The following ZNF446 variants were observed in gnomAD, a reference collection of about 807,000 sequenced individuals.
The protein encoded by ZNF446 is zinc finger protein 446, also known as zinc finger protein with KRAB and SCAN domains 20.
A neutral mutation model predicts 34.0 loss-of-function variants in ZNF446; 42 were observed. The ratio of observed to expected loss-of-function variants is 1.23; its 90% CI spans 0.96 to 1.60. The LOEUF (loss-of-function observed/expected upper bound fraction) is 1.60, where lower values mean the gene tolerates loss of function less well. Ranked by LOEUF, ZNF446 falls within the 40% of genes most tolerant of loss-of-function variation. The pLI is 0.00. For synonymous variants in ZNF446, 315 were observed against 251.0 expected, an observed-to-expected ratio of 1.25 and a Z score of -2.41; for missense variants, 650 against 600.2, an observed-to-expected ratio of 1.08 and a Z score of -0.87.
chr19:58,479,600 G>A (rs1241837081), intron 4 of ZNF446, 43 bp from the exon 5 acceptor site: 2 of 1,601,910 alleles, frequency 1.2e-6, no homozygotes, highest in South Asian at 1.1e-5. Flanking sequence ...ACAGGGCAGG[G>A]AAGGGGTGGA....
rs929429692 is a variant in ZNF446, at chr19:58,480,750, G to A, written c.*24G>A. 11 of 1,585,492 alleles carry A rather than the reference G, an allele frequency of 6.9e-6. No homozygotes were observed. The highest frequency in any genetic ancestry group is 6.7e-5 in the East Asian group (3 of 44,526). On this transcript the variant is annotated 3_prime_UTR_variant, in exon 7 of 7. Coordinates refer to ENST00000594369, the MANE Select transcript of ZNF446 (RefSeq NM_017908.4). This position sits in a 1 kb window ranked among gnomAD's most constrained non-coding sequence, Gnocchi z 7.2. The stretch of plus-strand genomic sequence containing the variant: ...GAGCAGCCAGACAGCACAGTCCCTC[G>A]GGGCCTCGGTGTTCTCGGGGCCTGG...
In ZNF446 at chr19:58,477,294, C is replaced by T. The variant is rs530358065; in HGVS notation, c.76C>T (p.Arg26Cys). 22 of 1,612,700 alleles carry T rather than the reference C, an allele frequency of 1.4e-5. No individual in the cohort carries two copies. The highest frequency in any genetic ancestry group is 3.3e-5 in the Admixed American group (2 of 60,008). The stretch of plus-strand genomic sequence containing the variant: ...CACCCTTGAGGAGCCTGAGACTGCC[C>T]GCCTCCGCTTCCGAGGGTTCTGCTA... Reference protein sequence around the residue: ...ETTLEEPETARLRFRGFCYQE... With the variant: ...ETTLEEPETACLRFRGFCYQE... Residue 26 changes from arginine to cysteine, a missense_variant, in exon 2 of 7, where the codon CGC (arginine) becomes TGC (cysteine). Physicochemically the swap from Arg to Cys is radical, Grantham distance 180 (BLOSUM62 -3). Coordinates refer to ENST00000594369, the MANE Select transcript of ZNF446 (RefSeq NM_017908.4).
chr19:58,486,490 C>G, the ZNF446 span, among the ~76,000 whole-genome samples: 1 of 152,206 alleles, frequency 6.6e-6, no homozygotes, highest in Non-Finnish European at 1.5e-5. Flanking sequence ...TCACTGCAAC[C>G]TCCGCCTCCT....
At position 58,481,046 on chromosome 19, in the gene ZNF446, C is replaced by T; in HGVS notation, c.*320C>T. The T allele has an allele frequency of 2.8e-6, 1 of 352,190 alleles. No individual in the cohort carries two copies. Among genetic ancestry groups the T allele is most frequent in the South Asian group, 4.7e-5 (1 of 21,454 alleles). 21.8% of individuals were successfully genotyped at this position (352,190 alleles called of 1,614,324 possible). A position where few individuals can be genotyped will look rare whatever the true frequency, so the allele number is the denominator to read the frequency against. On this transcript the variant is annotated 3_prime_UTR_variant, in exon 7 of 7. Transcript: ENST00000594369. ...ATGGCCTGGGCTGACAACACTCCCT[C>T]TCCTGGGACCTCCTTGCCTCAGGTG...
In ZNF446 at chr19:58,477,521, CGAAG is replaced by C; in HGVS notation, c.306_309del (p.Glu102AspfsTer18). 1 of 1,612,570 alleles carries C rather than the reference CGAAG, an allele frequency of 6.2e-7. No individual in the cohort carries two copies. Among genetic ancestry groups the C allele is most frequent in the Non-Finnish European group, 8.5e-7 (1 of 1,179,276 alleles). ...GTCCTGAGGAGGCCGCTGCCCTAGT[CGAAG>C]GACTGCAGCATGACCCTGGGCAACT... On this transcript the variant is annotated frameshift_variant, in exon 2 of 7. Transcript: ENST00000594369. LOFTEE classifies it high-confidence loss of function.
At chr19:58,479,900 C>T in intron 5 of ZNF446, 30 bp from the exon 6 acceptor site, 4 of 1,537,816 alleles carry the variant, frequency 2.6e-6, no homozygotes, top group Non-Finnish European at 3.5e-6. Flanking sequence ...ATGCAAACCC[C>T]ATGCCTAACT....
At chr19:58,482,955 T>G (rs964231611), downstream of ZNF446, among the ~76,000 whole-genome samples, 9 of 152,194 alleles carry the variant, frequency 5.9e-5, no homozygotes, top group African/African-American at 1.9e-4. Flanking sequence ...TTTTTCACAT[T>G]TAGAAGCAAT....
rs2053127859 is a variant in ZNF446 at position 58,480,351 on chromosome 19, C to T, written c.978C>T (p.Ala326=). Residue 326 remains alanine (A), a synonymous_variant, in exon 7 of 7, where the codon GCC becomes GCT. Coordinates refer to ENST00000594369, the MANE Select transcript of ZNF446 (RefSeq NM_017908.4). The surrounding 1 kb of genome is among the most constrained non-coding windows in gnomAD (Gnocchi z 7.2). ...CAGAGACGAGACTGGAGCCGGCTGCCACCCCCAGGAAGCCCTACACGTGCG... is the reference window on the plus strand; with the variant it reads ...CAGAGACGAGACTGGAGCCGGCTGCTACCCCCAGGAAGCCCTACACGTGCG... ...TPAETRLEPA[A]TPRKPYTCEQ... The T allele has an allele frequency of 6.2e-7, 1 of 1,601,570 alleles. No individual in the cohort carries two copies. The highest frequency in any genetic ancestry group is 1.3e-5 in the African/African-American group (1 of 74,936).
chr19:58,477,926 C>G (rs1479957956), intron 3 of ZNF446, 100 bp downstream of exon 3: 1 of 1,358,028 alleles, frequency 7.4e-7, no homozygotes, highest in Non-Finnish European at 9.9e-7. Context: ...AAGGCTGGGA[C>G]TCCTGAAGTG....
chr19:58,477,896 A>G, intron 3 of ZNF446, 70 bp downstream of exon 3: 1 of 1,435,000 alleles, frequency 7.0e-7, no homozygotes, highest in South Asian at 1.4e-5. Flanking sequence ...CTAGGGTGGG[A>G]GTCCCAGGAG....
At chr19:58,485,377 G>C (rs1454620771), downstream of ZNF446, among the ~76,000 whole-genome samples, 2 of 151,854 alleles carry the variant, frequency 1.3e-5, no homozygotes, top group Non-Finnish European at 2.9e-5. Flanking sequence ...GGGTATAGTG[G>C]CACACGCCTG....
Position 58,479,631 on chromosome 19 carries a change from C to T in ZNF446, c.628-12C>T, listed in dbSNP as rs1276230995. 24 of 1,612,812 alleles carry T rather than the reference C, an allele frequency of 1.5e-5. No homozygotes were observed. The highest frequency in any genetic ancestry group is 1.9e-5 in the Non-Finnish European group (22 of 1,179,582). ...GTGGAAAGACGCCTACAGTGATGGG[C>T]CACATCCGCAGGAGGAGTGGGGGCT... On this transcript the variant is annotated splice_polypyrimidine_tract_variant and intron_variant, in intron 4 of 6. Transcript: ENST00000594369.
the ZNF446 span, among the ~76,000 whole-genome samples, chr19:58,488,390 C>T: frequency 2.6e-5 from 4 of 152,274 alleles, no homozygotes; most frequent in Admixed American, 6.5e-5. Context: ...GCTTCACCTG[C>T]CTTGCTCGTG....
Position 58,480,742 on chromosome 19 carries a change from A to G in ZNF446, c.*16A>G, listed in dbSNP as rs765210220. ...GGTTCCATGAGCAGCCAGACAGCAC[A>G]GTCCCTCGGGGCCTCGGTGTTCTCG... On this transcript the variant is annotated 3_prime_UTR_variant, in exon 7 of 7. Transcript: ENST00000594369. This position sits in a 1 kb window ranked among gnomAD's most constrained non-coding sequence, Gnocchi z 7.2. The G allele has an allele frequency of 1.9e-6, 3 of 1,593,846 alleles. No homozygotes were observed. The highest frequency in any genetic ancestry group is 1.3e-5 in the African/African-American group (1 of 74,860).
At position 58,477,704 on chromosome 19, in the gene ZNF446, G is replaced by GC. The variant is rs776149083; in HGVS notation, c.415dup (p.His139ProfsTer52). The GC allele has an allele frequency of 3.7e-6, 6 of 1,613,910 alleles. No homozygotes were observed. Among genetic ancestry groups the GC allele is most frequent in the Non-Finnish European group, 3.4e-6 (4 of 1,180,020 alleles). ...CAGAAGACAGAGGAACCACTTGGGA[G>GC]CCCCCACCCCTCAGGGACAGTGGAG... On this transcript the variant is annotated frameshift_variant, in exon 3 of 7. Transcript: ENST00000594369. LOFTEE classifies it high-confidence loss of function.
downstream of ZNF446, chr19:58,483,900 C>A (rs2053155741): frequency 6.6e-6 from 1 of 152,176 alleles, no homozygotes; most frequent in Non-Finnish European, 1.5e-5. Flanking sequence ...CTGGCACCAT[C>A]ATTTCTACCA....
rs1286647013 is a variant in ZNF446 at position 58,480,656 on chromosome 19, G to A, written c.1283G>A (p.Cys428Tyr). 1 of 1,611,880 alleles carries A rather than the reference G, an allele frequency of 6.2e-7. No homozygotes were observed. Among genetic ancestry groups the A allele is most frequent in the Non-Finnish European group, 8.5e-7 (1 of 1,179,854 alleles). Reference sequence around the variant, plus strand: ...CAGCGGCGTCACTTCTGCAGTGACTGTGGCCGCGCCTTCGACTGGAAGTCG... The same window carrying A: ...CAGCGGCGTCACTTCTGCAGTGACTATGGCCGCGCCTTCGACTGGAAGTCG... ...TGQRRHFCSDCGRAFDWKSQL... is the reference protein window; with the variant it reads ...TGQRRHFCSDYGRAFDWKSQL... Residue 428 changes from cysteine (C) to tyrosine (Y), a missense_variant, in exon 7 of 7, where the codon TGT becomes TAT. Cys to Tyr is a radical substitution (Grantham distance 194, BLOSUM62 -2). Coordinates refer to ENST00000594369, the MANE Select transcript of ZNF446 (RefSeq NM_017908.4). This position sits in a 1 kb window ranked among gnomAD's most constrained non-coding sequence, Gnocchi z 7.2.
At chr19:58,476,898 C>T (rs143768407) in intron 1 of ZNF446, among the ~76,000 whole-genome samples, 47 of 152,294 alleles carry the variant, frequency 3.1e-4, no homozygotes, top group Middle Eastern at 3.4e-3. Context: ...TTAGCGTCAT[C>T]TCCCAGCAGT....
intron 4 of ZNF446, 23 bp downstream of exon 4, chr19:58,478,204 T>A: frequency 6.2e-7 from 1 of 1,609,052 alleles, no homozygotes; most frequent in Non-Finnish European, 8.5e-7. Context: ...AAGTGGGAAG[T>A]ATAGGCCCCA....
Sources: allele counts gnomAD v4.1 joint callset (sites outside exome capture counted in the v4.1 genomes callset), GRCh38; gene constraint gnomAD v4.1.1; non-coding constraint Gnocchi (gnomAD v3.1); transcripts MANE v1.5; gene names NCBI Gene and HGNC (gene_info 2026-07-23, HGNC 2026-07-21).